PRORP: variants seen among roughly 807,000 people sequenced by gnomAD.
PRORP encodes mitochondrial ribonuclease P catalytic subunit.
A neutral mutation model predicts 59.4 loss-of-function variants in PRORP; 51 were observed. The observed-to-expected ratio is 0.86, with a 90% CI of 0.69 to 1.08. The LOEUF is 1.08. Ranked by LOEUF, PRORP falls within the 50% of genes least tolerant of loss-of-function variation. The pLI is 0.00. For synonymous variants in PRORP, 231 were observed against 245.6 expected (o/e 0.94, Z 0.55); for missense variants, 646 against 690.3 (o/e 0.94, Z 0.72).
intron 5 of PRORP, among the ~76,000 whole-genome samples, chr14:35,229,457 A>G (rs2050017222): frequency 6.6e-6 from 1 of 152,028 alleles, no homozygotes; most frequent in South Asian, 2.1e-4. Context: ...ATCCATCTTG[A>G]CTTAATTTTT....
At position 35,275,820 on chromosome 14, in the gene PRORP, A is replaced by C. The variant is rs1415565311; in HGVS notation, c.*2254A>C. 1 of 144,728 alleles carries C rather than the reference A, an allele frequency of 6.9e-6. No homozygotes were observed. Among genetic ancestry groups the C allele is most frequent in the African/African-American group, 2.6e-5 (1 of 38,822 alleles). The allele number at this position is 144,728 out of a possible 1,614,324, so 9.0% of individuals were successfully genotyped here. A position where few individuals can be genotyped will look rare whatever the true frequency, so the allele number is the denominator to read the frequency against. ...CTTAAAAAAAAAAAAAAAAGACGGGAGAAGCTACAAGAAGAAAACTAGAAC... is the reference window on the plus strand; with the variant it reads ...CTTAAAAAAAAAAAAAAAAGACGGGCGAAGCTACAAGAAGAAAACTAGAAC... On this transcript the variant is annotated 3_prime_UTR_variant, in exon 8 of 8. Transcript: ENST00000534898.
chr14:35,147,776 A>G (rs1229018019), intron 4 of PRORP, among the ~76,000 whole-genome samples: 13 of 152,220 alleles, frequency 8.5e-5, no homozygotes, highest in African/African-American at 4.8e-5. Context: ...ATTGGAGTCA[A>G]TCCTCTGAAA....
intron 4 of PRORP, among the ~76,000 whole-genome samples, chr14:35,132,012 G>A (rs1358307016): frequency 1.3e-5 from 2 of 150,650 alleles, no homozygotes; most frequent in African/African-American, 4.9e-5. Flanking sequence ...GCTAATTTTT[G>A]TATTTTTAGT....
intron 4 of PRORP, among the ~76,000 whole-genome samples, chr14:35,138,797 A>G (rs1254554329): frequency 7.3e-6 from 1 of 136,776 alleles, no homozygotes; most frequent in Non-Finnish European, 1.6e-5. Context: ...AAAGATATTG[A>G]TTTTTTTTTT....
At position 35,264,384 on chromosome 14, in the gene PRORP, G is replaced by A. The variant is rs367894072; in HGVS notation, c.1276-2343G>A. On this transcript the variant is annotated intron_variant, in intron 5 of 7. Coordinates refer to ENST00000534898, the MANE Select transcript of PRORP (RefSeq NM_014672.4). ...TGATCTGCCCACCTTGGCCTCCCAA[G>A]GTGCTGGGATTACAGGTGAGAGCCA... Among the ~76,000 whole-genome samples, 169 of 151,804 alleles carry A rather than the reference G, an allele frequency of 1.1e-3. 1 individual carries two copies. The highest frequency in any genetic ancestry group is 3.8e-3 in the African/African-American group (156 of 41,434).
At chr14:35,217,672 G>T (rs2049641260) in intron 5 of PRORP, among the ~76,000 whole-genome samples, 1 of 151,654 alleles carries the variant, frequency 6.6e-6, no homozygotes, top group Non-Finnish European at 1.5e-5. Context: ...ATATCTAGTT[G>T]TCCTGGCACT....
At chr14:35,249,599 A>G (rs1350340620) in intron 5 of PRORP, among the ~76,000 whole-genome samples, 1 of 152,046 alleles carries the variant, frequency 6.6e-6, no homozygotes, top group African/African-American at 2.4e-5. Context: ...ATGAAATTGA[A>G]TTATTACCTG....
intron 4 of PRORP, among the ~76,000 whole-genome samples, chr14:35,168,010 A>G (rs1323262389): frequency 2.6e-5 from 4 of 152,222 alleles, no homozygotes; most frequent in Non-Finnish European, 5.9e-5. Context: ...CCATTCATTC[A>G]TTAGTTAATA....
chr14:35,180,638 T>A, intron 4 of PRORP, 32 bp from the exon 5 acceptor site: 1 of 1,349,092 alleles, frequency 7.4e-7, no homozygotes, highest in Non-Finnish European at 1.1e-6. Flanking sequence ...ACTGAGTTCT[T>A]ATTAATGTTT....
At chr14:35,261,473 G>A (rs1202366450) in intron 5 of PRORP, among the ~76,000 whole-genome samples, 1 of 152,184 alleles carries the variant, frequency 6.6e-6, no homozygotes, top group African/African-American at 2.4e-5. Flanking sequence ...GCTCACGCCT[G>A]TAATCCCAGC....
At chr14:35,207,222 G>A (rs2049317568) in intron 5 of PRORP, among the ~76,000 whole-genome samples, 1 of 152,172 alleles carries the variant, frequency 6.6e-6, no homozygotes, top group African/African-American at 2.4e-5. Context: ...TGAGATACAT[G>A]CTGAAATGTT....
chr14:35,180,139 C>A (rs2048564058), intron 4 of PRORP, among the ~76,000 whole-genome samples: 1 of 152,120 alleles, frequency 6.6e-6, no homozygotes, highest in East Asian at 1.9e-4. Context: ...TCAGTCTGCC[C>A]CTACTTGGGC....
At chr14:35,129,042 CAAAAAAA>C (rs58337817) in intron 4 of PRORP, among the ~76,000 whole-genome samples, 3 of 116,704 alleles carry the variant, frequency 2.6e-5, no homozygotes, top group African/African-American at 6.3e-5. Context: ...ACTAAAAATA[CAAAAAAA>C]AAAAAAAAAT....
intron 4 of PRORP, among the ~76,000 whole-genome samples, chr14:35,155,114 G>A (rs1245643818): frequency 2.0e-5 from 3 of 152,038 alleles, no homozygotes; most frequent in South Asian, 2.1e-4. Context: ...GGCTGGTCTC[G>A]AACTCGTGGG....
chr14:35,249,120 A>G (rs1326742703), intron 5 of PRORP, among the ~76,000 whole-genome samples: 1 of 152,200 alleles, frequency 6.6e-6, no homozygotes, highest in Non-Finnish European at 1.5e-5. Context: ...ATAAATGCAC[A>G]TGAAAGAATA....
At chr14:35,188,759 C>T (rs1389365464) in intron 5 of PRORP, among the ~76,000 whole-genome samples, 1 of 151,454 alleles carries the variant, frequency 6.6e-6, no homozygotes, top group Non-Finnish European at 1.5e-5. Context: ...AGGCAGATCA[C>T]GAGGTCAAGA....
chr14:35,124,618 A>C (rs2047050202), intron 2 of PRORP, among the ~76,000 whole-genome samples: 1 of 150,766 alleles, frequency 6.6e-6, no homozygotes, highest in African/African-American at 2.4e-5. Context: ...ATCTTTACCC[A>C]TCACATAAAA....
At chr14:35,272,534 T>C (rs1316241462) in intron 7 of PRORP, among the ~76,000 whole-genome samples, 4 of 152,196 alleles carry the variant, frequency 2.6e-5, no homozygotes, top group South Asian at 2.1e-4. Context: ...CAAGATATAG[T>C]TGAAGAACTA....
chr14:35,198,046 A>G (rs2049051182), intron 5 of PRORP, among the ~76,000 whole-genome samples: 1 of 152,154 alleles, frequency 6.6e-6, no homozygotes, highest in Non-Finnish European at 1.5e-5. Flanking sequence ...TCTCTTTCCT[A>G]AAGAGATTCT....
Sources: gnomAD v4.1 joint callset for allele counts (sites outside exome capture counted in the v4.1 genomes callset) on GRCh38, gnomAD v4.1.1 for gene constraint, MANE v1.5 for transcripts, NCBI Gene and HGNC (gene_info 2026-07-23, HGNC 2026-07-21) for gene names.